Variants in FBXL4 observed in about 807,000 individuals in gnomAD.
FBXL4 encodes the protein F-box and leucine rich repeat protein 4, also known as F-box/LRR-repeat protein 4.
In FBXL4, 40 loss-of-function variants were observed where a neutral mutation model predicts 58.9. That is an observed-to-expected ratio of 0.68 (90% CI 0.53 to 0.88). The LOEUF is 0.88. Ranked by LOEUF, FBXL4 falls within the 40% of genes least tolerant of loss-of-function variation. FBXL4 has a pLI of 0.00. For missense variants in FBXL4, 676 were observed against 734.4 expected (o/e 0.92, Z 0.92); for synonymous variants, 263 against 265.5 (o/e 0.99, Z 0.09).
Position 98,934,823 on chromosome 6 carries a change from A to G in FBXL4, c.-252T>C, listed in dbSNP as rs1472918469. 1 of 152,220 alleles carries G rather than the reference A, an allele frequency of 6.6e-6. No individual in the cohort carries two copies. Among genetic ancestry groups the G allele is most frequent in the African/African-American group, 2.4e-5 (1 of 41,458 alleles). 9.4% of individuals were successfully genotyped at this position (152,220 alleles called of 1,614,324 possible). On this transcript the variant is annotated 5_prime_UTR_variant, in exon 2 of 10. Coordinates refer to ENST00000369244, the MANE Select transcript of FBXL4 (RefSeq NM_001278716.2). ...CTATCCAGCTTCAAAGCTTCTTGAA[A>G]ATCCAAGCGAATGAAGCAAATGGAG...
At chr6:98,898,185 T>G in intron 7 of FBXL4, 1 of 545,822 alleles carries the variant, frequency 1.8e-6, no homozygotes, top group Non-Finnish European at 2.3e-6. Flanking sequence ...GCAGCCATAA[T>G]GAGCTAGACA....
rs72627757 is a variant in FBXL4 at position 98,905,286 on chromosome 6, A to G, written c.1103+140T>C. ...TTTTATAAGCAGCAGCATTCTAAACATGACACTCAAAATATATTTCCTTTT... is the reference window on the plus strand; with the variant it reads ...TTTTATAAGCAGCAGCATTCTAAACGTGACACTCAAAATATATTTCCTTTT... On this transcript the variant is annotated intron_variant, in intron 6 of 9. Transcript: ENST00000369244. 19,378 of 1,039,910 alleles carry G rather than the reference A, an allele frequency of 0.019. 1,197 individuals carry two copies. Among genetic ancestry groups the G allele is most frequent in the East Asian group, 0.18 (7,475 of 41,720 alleles). The allele number at this position is 1,039,910 out of a possible 1,614,324, so 64.4% of individuals were successfully genotyped here.
At position 98,874,423 on chromosome 6, in the gene FBXL4, G is replaced by A. The variant is rs779731686; in HGVS notation, c.1721C>T (p.Pro574Leu). 51 of 1,607,186 alleles carry A rather than the reference G, an allele frequency of 3.2e-5. No homozygotes were observed. The highest frequency in any genetic ancestry group is 4.5e-5 in the East Asian group (2 of 44,682). Residue 574 changes from proline to leucine, a missense_variant, in exon 10 of 10, where the codon CCG becomes CTG. Physicochemically the swap from Pro to Leu is moderately conservative, Grantham distance 98. Coordinates refer to ENST00000369244, the MANE Select transcript of FBXL4 (RefSeq NM_001278716.2). ...LDILGTRMVSPASLRKLLESC... is the reference protein window; with the variant it reads ...LDILGTRMVSLASLRKLLESC... Reference sequence around the variant, plus strand: ...TTCCAGGAGTTTTCTTAAGGATGCCGGACTTACCATTCTTGTTCCTATTTA... The same window carrying A: ...TTCCAGGAGTTTTCTTAAGGATGCCAGACTTACCATTCTTGTTCCTATTTA...
intron 8 of FBXL4, among the ~76,000 whole-genome samples, chr6:98,879,625 G>A (rs1029169014): frequency 6.6e-6 from 1 of 152,080 alleles, no homozygotes; most frequent in African/African-American, 2.4e-5. Context: ...GCTCACACCT[G>A]TAATCCCGGC....
chr6:98,925,428 A>G (rs1772742896), intron 4 of FBXL4, among the ~76,000 whole-genome samples: 1 of 152,262 alleles, frequency 6.6e-6, no homozygotes, highest in Non-Finnish European at 1.5e-5. Context: ...AATGTTAAAC[A>G]TTACAAAATT....
At chr6:98,946,718 AAGTT>A (rs1167449985) in intron 1 of FBXL4, among the ~76,000 whole-genome samples, 2 of 152,196 alleles carry the variant, frequency 1.3e-5, no homozygotes, top group East Asian at 1.9e-4. Flanking sequence ...GTTTAAAACA[AAGTT>A]AGTACTCAGA....
In FBXL4 at chr6:98,885,582, A is replaced by T. The variant is rs12190587; in HGVS notation, c.1318-4958T>A. On this transcript the variant is annotated intron_variant, in intron 7 of 9. Coordinates refer to ENST00000369244, the MANE Select transcript of FBXL4 (RefSeq NM_001278716.2). ...AGAATTCTTCCAAATTCAGGAAAAAAAACAATGTCTGATGGCCTTCAAACT... is the reference window on the plus strand; with the variant it reads ...AGAATTCTTCCAAATTCAGGAAAAATAACAATGTCTGATGGCCTTCAAACT... Among the ~76,000 whole-genome samples the T allele has an allele frequency of 2.6e-5, 4 of 152,272 alleles. No individual in the cohort carries two copies. In the East Asian group the frequency reaches 7.7e-4, roughly 29 times the overall value.
At chr6:98,927,474 T>C (rs980089803) in intron 3 of FBXL4, among the ~76,000 whole-genome samples, 2 of 152,180 alleles carry the variant, frequency 1.3e-5, no homozygotes, top group African/African-American at 2.4e-5. Context: ...TTAACAAAAA[T>C]TCCCTACTGT....
rs1771777961 is a variant in FBXL4, at chr6:98,905,604, G to C, written c.925C>G (p.Leu309Val). Residue 309 changes from leucine to valine, a missense_variant, in exon 6 of 10, where the codon CTA (leucine) becomes GTA (valine). Transcript: ENST00000369244. ...DLCRLAQTCKLLSQHCCDPLQ... is the reference protein window; with the variant it reads ...DLCRLAQTCKVLSQHCCDPLQ... The stretch of plus-strand genomic sequence containing the variant: ...GGATCACAGCAATGCTGGCTCAGTA[G>C]TTTGCAAGTCTGTGCTAATCTACAC... 4 of 1,613,832 alleles carry C rather than the reference G, an allele frequency of 2.5e-6. No homozygotes were observed. The highest frequency in any genetic ancestry group is 2.5e-6 in the Non-Finnish European group (3 of 1,179,950).
Position 98,870,227 on chromosome 6 carries a change from C to T in FBXL4, c.*4051G>A, listed in dbSNP as rs1417081959. On this transcript the variant is annotated 3_prime_UTR_variant, in exon 10 of 10. Transcript: ENST00000369244. ...TGTGGTTTATAAAATTAGGAATGGG[C>T]AAACATGGATTAACTGACTCGAAAA... 1 of 152,092 alleles carries T rather than the reference C, an allele frequency of 6.6e-6. No individual in the cohort carries two copies. The highest frequency in any genetic ancestry group is 1.5e-5 in the Non-Finnish European group (1 of 68,018). 9.4% of individuals were successfully genotyped at this position (152,092 alleles called of 1,614,324 possible). A position where few individuals can be genotyped will look rare whatever the true frequency, so the allele number is the denominator to read the frequency against.
intron 2 of FBXL4, among the ~76,000 whole-genome samples, chr6:98,928,633 ACTTTT>A (rs1772885255): frequency 6.6e-6 from 1 of 152,128 alleles, no homozygotes; most frequent in Non-Finnish European, 1.5e-5. Flanking sequence ...CCCTGCCCCA[ACTTTT>A]CTTTAATAGA....
intron 8 of FBXL4, among the ~76,000 whole-genome samples, chr6:98,879,942 C>CAAAAAA (rs57952065): frequency 4.8e-5 from 3 of 62,544 alleles, no homozygotes; most frequent in African/African-American, 6.6e-5. Flanking sequence ...GACTCCATCT[C>CAAAAAA]AAAAAAAAAA....
chr6:98,891,290 C>T (rs558343277), intron 7 of FBXL4, among the ~76,000 whole-genome samples: 9 of 152,050 alleles, frequency 5.9e-5, no homozygotes, highest in Non-Finnish European at 8.8e-5. Flanking sequence ...TTCTCTAAAC[C>T]TAACTGTAGA....
At chr6:98,935,775 G>A (rs1486982764) in intron 1 of FBXL4, among the ~76,000 whole-genome samples, 31 of 135,284 alleles carry the variant, frequency 2.3e-4, no homozygotes, top group African/African-American at 4.8e-4. Context: ...TGGCCTGGGC[G>A]ACAGAGCGAG....
At position 98,926,766 on chromosome 6, in the gene FBXL4, T is replaced by C. The variant is rs921029561; in HGVS notation, c.223A>G (p.Met75Val). ...TTTGGTACACCAGCCAAATTCCACA[T>C]AGTATAGGACATACTATTCTCACTT... ...YGSENSMSYT[M>V]WNLAGVPNVF... The change falls in exon 4 of 10, where the codon ATG becomes GTG. Residue 75 changes from methionine (M) to valine (V), a missense_variant. Coordinates refer to ENST00000369244, the MANE Select transcript of FBXL4 (RefSeq NM_001278716.2). The C allele has an allele frequency of 6.2e-7, 1 of 1,614,206 alleles. No homozygotes were observed. The highest frequency in any genetic ancestry group is 1.1e-5 in the South Asian group (1 of 91,084).
intron 7 of FBXL4, among the ~76,000 whole-genome samples, chr6:98,895,544 A>C (rs999006401): frequency 6.6e-6 from 1 of 152,222 alleles, no homozygotes; most frequent in Non-Finnish European, 1.5e-5. Flanking sequence ...TTTAACTACA[A>C]CACCAAGGCC....
At position 98,928,868 on chromosome 6, in the gene FBXL4, C is replaced by T. The variant is rs530458121; in HGVS notation, c.-190-1046G>A. 3.6e-4 allele frequency among the ~76,000 whole-genome samples: 55 copies of T among 152,280 alleles called. No individual in the cohort carries two copies. The South Asian group carries it at 3.7e-3, about 10-fold the overall frequency. On this transcript the variant is annotated intron_variant, in intron 2 of 9. Coordinates refer to ENST00000369244, the MANE Select transcript of FBXL4 (RefSeq NM_001278716.2). ...AGTTCTAACCACTCTTCGTATTTTA[C>T]GTTAAGTCTCGCTTCCTCTATCATT...
intron 7 of FBXL4, chr6:98,896,767 A>T: frequency 2.1e-6 from 2 of 942,690 alleles, no homozygotes; most frequent in Non-Finnish European, 2.5e-6. Context: ...ATATATTCAT[A>T]CAATGATTTT....
intron 5 of FBXL4, 76 bp from the exon 6 acceptor site, chr6:98,905,746 A>C (rs1197563068): frequency 6.4e-6 from 9 of 1,409,606 alleles, no homozygotes; most frequent in Middle Eastern, 3.7e-4. Flanking sequence ...ACATAATCTA[A>C]TAAGGAATAA....
Sources: allele counts gnomAD v4.1 joint callset (sites outside exome capture counted in the v4.1 genomes callset), GRCh38; gene constraint gnomAD v4.1.1; transcripts MANE v1.5; gene names NCBI Gene and HGNC (gene_info 2026-07-23, HGNC 2026-07-21).